CSNK1A1: variants seen among roughly 807,000 people sequenced by gnomAD.
CSNK1A1 encodes the protein casein kinase I isoform alpha.
A neutral mutation model predicts 46.1 loss-of-function variants in CSNK1A1; 7 were observed. That is an observed-to-expected ratio of 0.15 (90% CI 0.09 to 0.29). The LOEUF (loss-of-function observed/expected upper bound fraction) is 0.29, where lower values mean the gene tolerates loss of function less well. CSNK1A1 is among the 10% of genes least tolerant of loss of function. CSNK1A1 has a pLI of 1.00. For synonymous variants in CSNK1A1, 137 were observed against 141.5 expected (o/e 0.97, Z 0.23); for missense variants, 96 against 417.1 (o/e 0.23, Z 6.71).
chr5:149,511,190 A>G (rs896723086), intron 6 of CSNK1A1, among the ~76,000 whole-genome samples: 1 of 152,132 alleles, frequency 6.6e-6, no homozygotes, highest in Non-Finnish European at 1.5e-5. Flanking sequence ...TTAGCTGGGC[A>G]TGGTGGCATG....
intron 8 of CSNK1A1, among the ~76,000 whole-genome samples, chr5:149,506,507 G>C (rs995623789): frequency 3.9e-5 from 6 of 152,188 alleles, no homozygotes; most frequent in African/African-American, 1.4e-4. Context: ...AAAGTGCTGG[G>C]ATTACAGGCG....
intron 4 of CSNK1A1, among the ~76,000 whole-genome samples, chr5:149,513,681 C>T (rs1000930472): frequency 2.6e-5 from 4 of 152,114 alleles, no homozygotes; most frequent in Non-Finnish European, 5.9e-5. Context: ...AGGCGGATAA[C>T]TTGAGGTCAG....
intron 5 of CSNK1A1, 128 bp downstream of exon 5, chr5:149,512,942 T>G: frequency 9.1e-7 from 1 of 1,093,710 alleles, no homozygotes; most frequent in Non-Finnish European, 1.3e-6. Flanking sequence ...GGTAAAATGA[T>G]TAATAAGCAT....
At chr5:149,519,856 G>A (rs1488628273) in intron 4 of CSNK1A1, among the ~76,000 whole-genome samples, 4 of 152,180 alleles carry the variant, frequency 2.6e-5, no homozygotes, top group African/African-American at 4.8e-5. Flanking sequence ...CATGGTGACA[G>A]ATAAGTCAGT....
Position 149,494,569 on chromosome 5 carries a change from G to A in CSNK1A1, c.*2284C>T, listed in dbSNP as rs192178085. The A allele has an allele frequency of 4.6e-5, 7 of 152,208 alleles. No individual in the cohort carries two copies. Among genetic ancestry groups the A allele is most frequent in the East Asian group, 1.9e-4 (1 of 5,184 alleles). The allele number at this position is 152,208 out of a possible 1,614,324, so 9.4% of individuals were successfully genotyped here. On this transcript the variant is annotated 3_prime_UTR_variant, in exon 10 of 10. Transcript: ENST00000377843. ...CTTCAACTTGTATCATCATTTTAGCGGAAAAACATAATTTAATTTTGGTGA... is the reference window on the plus strand; with the variant it reads ...CTTCAACTTGTATCATCATTTTAGCAGAAAAACATAATTTAATTTTGGTGA...
intron 5 of CSNK1A1, 111 bp downstream of exon 5, chr5:149,512,959 A>T: frequency 7.7e-7 from 1 of 1,295,060 alleles, no homozygotes; most frequent in African/African-American, 1.5e-5. Context: ...GCATCCTTCA[A>T]ATCCTCAGCC....
rs78213803 is a variant in CSNK1A1 at position 149,502,475 on chromosome 5, C to G, written c.1006+2972G>C. The G allele has an allele frequency of 9.2e-3, 2,265 of 247,334 alleles. 244 individuals are homozygous for G. In the East Asian group the frequency reaches 0.33, roughly 36 times the overall value. 15.3% of individuals were successfully genotyped at this position (247,334 alleles called of 1,614,324 possible). A position where few individuals can be genotyped will look rare whatever the true frequency, so the allele number is the denominator to read the frequency against. On this transcript the variant is annotated intron_variant, in intron 9 of 9. Coordinates refer to ENST00000377843, the MANE Select transcript of CSNK1A1 (RefSeq NM_001892.6). The stretch of plus-strand genomic sequence containing the variant: ...CTCCCACCTCAGCCTCCCAACACAG[C>G]TGGGATCACAGGCACTCACTACTGC...
chr5:149,501,804 T>G, intron 9 of CSNK1A1: 3 of 978,188 alleles, frequency 3.1e-6, no homozygotes, highest in Non-Finnish European at 3.6e-6. Flanking sequence ...TTCATTTTCC[T>G]TTACTTATTT....
intron 9 of CSNK1A1, chr5:149,501,724 C>T (rs1760862788): frequency 2.0e-6 from 2 of 985,380 alleles, no homozygotes; most frequent in South Asian, 4.7e-5. Context: ...CTGAAATTCT[C>T]CCCCACCTCT....
intron 4 of CSNK1A1, 70 bp downstream of exon 4, chr5:149,520,220 A>G: frequency 2.0e-6 from 2 of 984,458 alleles, no homozygotes; most frequent in Non-Finnish European, 3.1e-6. Context: ...AAAAGATTGA[A>G]AAGTTTACCA....
intron 9 of CSNK1A1, 183 bp downstream of exon 9, chr5:149,505,264 C>A: frequency 7.2e-7 from 1 of 1,388,458 alleles, no homozygotes; most frequent in South Asian, 1.8e-5. Context: ...TATATATGAA[C>A]AAGGACATTT....
At chr5:149,537,842 A>C (rs1762108588) in intron 2 of CSNK1A1, among the ~76,000 whole-genome samples, 1 of 150,320 alleles carries the variant, frequency 6.7e-6, no homozygotes, top group South Asian at 2.1e-4. Context: ...GGCTCATCTC[A>C]ATATGCTACC....
chr5:149,497,097 G>A, intron 9 of CSNK1A1: 1 of 1,291,346 alleles, frequency 7.7e-7, no homozygotes, highest in Non-Finnish European at 9.8e-7. Flanking sequence ...TGAATTCAAA[G>A]CCTCTCAGCA....
intron 2 of CSNK1A1, chr5:149,549,537 T>A (rs1327233595): frequency 2.9e-6 from 2 of 701,458 alleles, no homozygotes; most frequent in East Asian, 5.4e-5. Flanking sequence ...CAAGGAAGCA[T>A]AATTTGTGAA....
At chr5:149,548,754 C>G (rs1367343793) in intron 2 of CSNK1A1, among the ~76,000 whole-genome samples, 1 of 152,140 alleles carries the variant, frequency 6.6e-6, no homozygotes, top group African/African-American at 2.4e-5. Context: ...GAGGCTGAGG[C>G]ACGAGAATCA....
Position 149,521,565 on chromosome 5 carries a change from G to C in CSNK1A1, c.358-1177C>G, listed in dbSNP as rs952499607. On this transcript the variant is annotated intron_variant, in intron 3 of 9. Coordinates refer to ENST00000377843, the MANE Select transcript of CSNK1A1 (RefSeq NM_001892.6). ...ACCTCCCAATGTGGTAGGATTACAG[G>C]TGTGAACCACCATGCCCGGCCTCGA... Among the ~76,000 whole-genome samples, 3 of 151,754 alleles carry C rather than the reference G, an allele frequency of 2.0e-5. No individual in the cohort carries two copies. In the South Asian group the frequency reaches 6.2e-4, roughly 31 times the overall value.
intron 9 of CSNK1A1, chr5:149,497,316 A>G (rs928891488): frequency 1.0e-6 from 1 of 988,450 alleles, no homozygotes; most frequent in Non-Finnish European, 1.2e-6. Context: ...CATTCAAAGC[A>G]TAATTATCTG....
chr5:149,506,295 G>A (rs973883501), intron 8 of CSNK1A1, among the ~76,000 whole-genome samples: 10 of 151,954 alleles, frequency 6.6e-5, no homozygotes, highest in African/African-American at 2.2e-4. Context: ...GGAGTGCACT[G>A]GGGGGATCTC....
In CSNK1A1 at chr5:149,525,973, T is replaced by C. The variant is rs552291326; in HGVS notation, c.231-802A>G. ...ATCAGGTGATACTTAAAATTTTGTTTAAAAAGTTATTTTAAAGCTTAAACT... is the reference window on the plus strand; with the variant it reads ...ATCAGGTGATACTTAAAATTTTGTTCAAAAAGTTATTTTAAAGCTTAAACT... On this transcript the variant is annotated intron_variant, in intron 2 of 9. Coordinates refer to ENST00000377843, the MANE Select transcript of CSNK1A1 (RefSeq NM_001892.6). The surrounding 1 kb of genome is among the most constrained non-coding windows in gnomAD (Gnocchi z 4.2). Among the ~76,000 whole-genome samples the C allele has an allele frequency of 5.9e-5, 9 of 152,356 alleles. No individual in the cohort carries two copies. The highest frequency in any genetic ancestry group is 1.9e-4 in the East Asian group (1 of 5,192).
Sources: gnomAD v4.1 joint callset for allele counts (sites outside exome capture counted in the v4.1 genomes callset) on GRCh38, gnomAD v4.1.1 for gene constraint, Gnocchi (gnomAD v3.1) non-coding constraint, MANE v1.5 for transcripts, NCBI Gene and HGNC (gene_info 2026-07-23, HGNC 2026-07-21) for gene names.